YBX1: variants seen among roughly 807,000 people sequenced by gnomAD.
YBX1 encodes the protein Y-box binding protein 1.
A neutral mutation model predicts 41.4 loss-of-function variants in YBX1; 3 were observed. The observed-to-expected ratio is 0.07, with a 90% CI of 0.03 to 0.19. YBX1 has a LOEUF of 0.19. Among genes scored for constraint, YBX1 ranks in the 10% least tolerant of loss-of-function variants. YBX1 has a pLI of 1.00. For synonymous variants in YBX1, 133 were observed against 165.8 expected (o/e 0.80, Z 1.52); for missense variants, 274 against 462.8 (o/e 0.59, Z 3.74).
chr1:42,694,946 G>A (rs943775661), intron 3 of YBX1, among the ~76,000 whole-genome samples: 1 of 152,224 alleles, frequency 6.6e-6, no homozygotes, highest in East Asian at 1.9e-4. Flanking sequence ...TGGAGATGTT[G>A]ATAAAAATAA....
intron 2 of YBX1, among the ~76,000 whole-genome samples, chr1:42,683,760 G>A (rs1363279202): frequency 6.6e-6 from 1 of 152,212 alleles, no homozygotes; most frequent in Admixed American, 6.5e-5. Flanking sequence ...TTCCTTAACA[G>A]GGTAAACGGG....
rs1299602782 is a variant in YBX1, at chr1:42,702,865, A to G, written c.*916A>G. On this transcript the variant is annotated 3_prime_UTR_variant, in exon 8 of 8. Coordinates refer to ENST00000321358, the MANE Select transcript of YBX1 (RefSeq NM_004559.5). ...ACCCATGGGAAAGCTGCTTAGGAACATGGAGGTTGGTGAGCTTGTAATTAT... is the reference window on the plus strand; with the variant it reads ...ACCCATGGGAAAGCTGCTTAGGAACGTGGAGGTTGGTGAGCTTGTAATTAT... 2.0e-5 allele frequency among the ~76,000 whole-genome samples: 3 copies of G among 152,328 alleles called. No homozygotes were observed. In the East Asian group the frequency reaches 5.8e-4, roughly 29 times the overall value.
At position 42,700,939 on chromosome 1, in the gene YBX1, G is replaced by A; in HGVS notation, c.899G>A (p.Gly300Asp). 6.2e-7 allele frequency: 1 copy of A among 1,614,050 alleles called. No individual in the cohort carries two copies. The highest frequency in any genetic ancestry group is 8.5e-7 in the Non-Finnish European group (1 of 1,180,012). ...CCAGAAAACCCTAAACCACAAGATG[G>A]CAAAGAGACAAAAGCAGCCGATCCA... Reference protein sequence around the residue: ...RRPENPKPQDGKETKAADPPA... With the variant: ...RRPENPKPQDDKETKAADPPA... The change falls in exon 7 of 8, where the codon GGC (glycine) becomes GAC (aspartate). Residue 300 changes from glycine (G) to aspartate (D), a missense_variant. Coordinates refer to ENST00000321358, the MANE Select transcript of YBX1 (RefSeq NM_004559.5).
At chr1:42,692,568 C>T (rs1400634440) in intron 2 of YBX1, among the ~76,000 whole-genome samples, 1 of 152,162 alleles carries the variant, frequency 6.6e-6, no homozygotes, top group Non-Finnish European at 1.5e-5. Flanking sequence ...ATGTTGCCCC[C>T]AGTTCAGCAA....
At chr1:42,700,429 C>T (rs1343682642) in intron 6 of YBX1, among the ~76,000 whole-genome samples, 3 of 152,044 alleles carry the variant, frequency 2.0e-5, no homozygotes, top group African/African-American at 2.4e-5. Context: ...CATAGCAACA[C>T]ATCGCTACTA....
In YBX1 at chr1:42,702,423, C is replaced by G. The variant is rs1181579758; in HGVS notation, c.*474C>G. The stretch of plus-strand genomic sequence containing the variant: ...GCTATTTATAGGACCCTTAGCTTGA[C>G]CCAGTCTACAAATAGATGATGCTCA... On this transcript the variant is annotated 3_prime_UTR_variant, in exon 8 of 8. Transcript: ENST00000321358. 1 of 152,614 alleles carries G rather than the reference C, an allele frequency of 6.6e-6. No individual in the cohort carries two copies. The highest frequency in any genetic ancestry group is 1.9e-4 in the East Asian group (1 of 5,198). The allele number at this position is 152,614 out of a possible 1,614,324, so 9.5% of individuals were successfully genotyped here.
chr1:42,693,459 C>G, intron 2 of YBX1, 31 bp from the exon 3 acceptor site: 7 of 1,612,002 alleles, frequency 4.3e-6, no homozygotes, highest in Non-Finnish European at 5.9e-6. Context: ...ATTTCATTTT[C>G]TAACTTGTTC....
intron 2 of YBX1, among the ~76,000 whole-genome samples, chr1:42,687,261 G>A (rs1275821123): frequency 2.6e-5 from 4 of 151,940 alleles, no homozygotes; most frequent in African/African-American, 9.7e-5. Context: ...TGGCCTGCAA[G>A]GTAAGACTGA....
Position 42,696,443 on chromosome 1 carries a change from G to A in YBX1, c.354+155G>A, listed in dbSNP as rs1411471846. Among the ~76,000 whole-genome samples, 1 of 151,624 alleles carries A rather than the reference G, an allele frequency of 6.6e-6. No individual in the cohort carries two copies. The highest frequency in any genetic ancestry group is 6.6e-5 in the Admixed American group (1 of 15,222). On this transcript the variant is annotated intron_variant, in intron 4 of 7. Coordinates refer to ENST00000321358, the MANE Select transcript of YBX1 (RefSeq NM_004559.5). The surrounding 1 kb of genome is among the most constrained non-coding windows in gnomAD (Gnocchi z 5.7). ...CTAATGTTCTGGCTGCAGTTAGAGG[G>A]CAATCTCTTCAGAACAGTGAGGAAC...
At chr1:42,683,344 C>T (rs745604229) in intron 1 of YBX1, 59 bp from the exon 2 acceptor site, 2 of 1,606,914 alleles carry the variant, frequency 1.2e-6, no homozygotes, top group East Asian at 4.5e-5. Context: ...CCAAGCCGGG[C>T]GGATTTGGAA....
At chr1:42,692,725 TC>T (rs1402028145) in intron 2 of YBX1, among the ~76,000 whole-genome samples, 1 of 152,212 alleles carries the variant, frequency 6.6e-6, no homozygotes, top group African/African-American at 2.4e-5. Context: ...GGCCTGGAAA[TC>T]CGTTTCCTTC....
Position 42,691,955 on chromosome 1 carries a change from A to G in YBX1, c.231-1535A>G, listed in dbSNP as rs112012574. Among the ~76,000 whole-genome samples the G allele has an allele frequency of 5.5e-3, 843 of 152,162 alleles. 10 individuals carry two copies. Among genetic ancestry groups the G allele is most frequent in the African/African-American group, 0.019 (808 of 41,508 alleles). On this transcript the variant is annotated intron_variant, in intron 2 of 7. Transcript: ENST00000321358. ...AACCTCCGCCTCCTAGCTTCAAGCA[A>G]TTCTCCTGCCTCACCCCCCAGAGTA...
intron 1 of YBX1, chr1:42,683,067 C>T (rs907058596): frequency 1.0e-5 from 5 of 481,436 alleles, no homozygotes; most frequent in Non-Finnish European, 2.0e-5. Context: ...TCACCCCCAC[C>T]CAGCTCCCTT....
chr1:42,687,882 C>G (rs1162480914), intron 2 of YBX1, among the ~76,000 whole-genome samples: 1 of 152,160 alleles, frequency 6.6e-6, no homozygotes. Context: ...ACATAACTGA[C>G]AAAATGTTTT....
intron 2 of YBX1, among the ~76,000 whole-genome samples, chr1:42,687,883 A>C (rs1393833077): frequency 6.6e-6 from 1 of 152,318 alleles, no homozygotes; most frequent in East Asian, 1.9e-4. Context: ...CATAACTGAC[A>C]AAATGTTTTG....
At chr1:42,697,443 A>G (rs781518165) in intron 6 of YBX1, among the ~76,000 whole-genome samples, 181 bp downstream of exon 6, 4 of 152,148 alleles carry the variant, frequency 2.6e-5, no homozygotes, top group Non-Finnish European at 5.9e-5. Context: ...CTTTATACAT[A>G]AATTTTTTTA....
rs777034308 is a variant in YBX1 at position 42,682,603 on chromosome 1, C to T, written c.38C>T (p.Ala13Val). ...SEAETQQPPA[A>V]PPAAPALSAA... Reference sequence around the variant, plus strand: ...GCCGAGACCCAGCAGCCGCCCGCCGCCCCCCCCGCCGCCCCCGCCCTCAGC... The same window carrying T: ...GCCGAGACCCAGCAGCCGCCCGCCGTCCCCCCCGCCGCCCCCGCCCTCAGC... The change falls in exon 1 of 8, where the codon GCC becomes GTC. Residue 13 changes from alanine to valine, a missense_variant. Ala to Val is a moderately conservative substitution (Grantham distance 64). Coordinates refer to ENST00000321358, the MANE Select transcript of YBX1 (RefSeq NM_004559.5). 45 of 1,427,840 alleles carry T rather than the reference C, an allele frequency of 3.2e-5. No individual in the cohort carries two copies. Among genetic ancestry groups the T allele is most frequent in the Non-Finnish European group, 3.6e-5 (39 of 1,092,520 alleles). The allele number at this position is 1,427,840 out of a possible 1,614,324, so 88.4% of individuals were successfully genotyped here. A position where few individuals can be genotyped will look rare whatever the true frequency, so the allele number is the denominator to read the frequency against.
intron 2 of YBX1, among the ~76,000 whole-genome samples, chr1:42,691,788 CAT>C (rs1650340776): frequency 1.3e-5 from 2 of 152,202 alleles, no homozygotes; most frequent in Admixed American, 1.3e-4. Flanking sequence ...CAAATCTTTA[CAT>C]AGTCTTCTAG....
At chr1:42,693,654 T>C in intron 3 of YBX1, 131 bp downstream of exon 3, 1 of 825,390 alleles carries the variant, frequency 1.2e-6, no homozygotes, top group Admixed American at 2.8e-5. Flanking sequence ...ACGACAGGAG[T>C]AGTAGCATGC....
Sources: gnomAD v4.1 joint callset for allele counts (sites outside exome capture counted in the v4.1 genomes callset) on GRCh38, gnomAD v4.1.1 for gene constraint, Gnocchi (gnomAD v3.1) non-coding constraint, MANE v1.5 for transcripts, NCBI Gene and HGNC (gene_info 2026-07-23, HGNC 2026-07-21) for gene names.